Variants in FUT8 observed in about 807,000 individuals in gnomAD.
FUT8 encodes fucosyltransferase 8.
A neutral mutation model predicts 71.3 loss-of-function variants in FUT8; 29 were observed. That is an observed-to-expected ratio of 0.41 (90% CI 0.30 to 0.55). The LOEUF is 0.55. Among genes scored for constraint, FUT8 ranks in the 20% least tolerant of loss-of-function variants. The pLI is 0.34. For synonymous variants in FUT8, 254 were observed against 239.3 expected (o/e 1.06, Z -0.57); for missense variants, 544 against 702.1 (o/e 0.77, Z 2.55).
intron 7 of FUT8, among the ~76,000 whole-genome samples, chr14:65,685,614 G>T (rs1192166033): frequency 6.6e-6 from 1 of 152,180 alleles, no homozygotes; most frequent in African/African-American, 2.4e-5. Context: ...GCAGCCCTGA[G>T]GGCTGCTGGT....
intron 7 of FUT8, among the ~76,000 whole-genome samples, chr14:65,698,295 C>T (rs968250723): frequency 8.5e-5 from 13 of 152,088 alleles, no homozygotes; most frequent in African/African-American, 3.1e-4. Flanking sequence ...AAAGATCATT[C>T]TTTGGGTCCA....
intron 3 of FUT8, among the ~76,000 whole-genome samples, chr14:65,570,359 T>G (rs1016752484): frequency 6.6e-6 from 1 of 151,706 alleles, no homozygotes; most frequent in African/African-American, 2.4e-5. Flanking sequence ...ATTTAATCCC[T>G]CACTTCCACA....
At chr14:65,585,837 C>A (rs940899246) in intron 3 of FUT8, among the ~76,000 whole-genome samples, 7 of 152,268 alleles carry the variant, frequency 4.6e-5, no homozygotes, top group Admixed American at 3.3e-4. Flanking sequence ...AGGAAACTTG[C>A]TGCATGGTGC....
At position 65,433,600 on chromosome 14, in the gene FUT8, T is replaced by C. The variant is rs555819666; in HGVS notation, c.-326+20386T>C. Among the ~76,000 whole-genome samples, 7 of 152,294 alleles carry C rather than the reference T, an allele frequency of 4.6e-5. No individual in the cohort carries two copies. In the South Asian group the frequency reaches 1.5e-3, roughly 32 times the overall value. On this transcript the variant is annotated intron_variant, in intron 1 of 10. Transcript: ENST00000673929. ...ACCTAGCTTTAAGTGAGTAGAGTGG[T>C]AAAATGTAAGGTAATGAAAAGTGAG...
intron 7 of FUT8, among the ~76,000 whole-genome samples, chr14:65,720,159 A>G (rs1251150204): frequency 6.6e-6 from 1 of 152,142 alleles, no homozygotes; most frequent in Non-Finnish European, 1.5e-5. Context: ...CCTGCAGCTG[A>G]GCTGGCATCC....
chr14:65,419,709 T>G (rs2065265952), intron 1 of FUT8, among the ~76,000 whole-genome samples: 2 of 152,206 alleles, frequency 1.3e-5, no homozygotes, highest in Admixed American at 1.3e-4. Context: ...TTTCTAAGTT[T>G]TAGGTTTTTC....
chr14:65,477,038 A>G (rs950053314), intron 2 of FUT8, among the ~76,000 whole-genome samples: 5 of 152,182 alleles, frequency 3.3e-5, no homozygotes, highest in South Asian at 2.1e-4. Context: ...CTACTTAAAT[A>G]TAAGCTTTTT....
intron 7 of FUT8, among the ~76,000 whole-genome samples, chr14:65,685,295 T>C (rs956330204): frequency 6.6e-6 from 1 of 152,194 alleles, no homozygotes; most frequent in Non-Finnish European, 1.5e-5. Context: ...AAATAAGAAT[T>C]TGCTTTCTCT....
intron 2 of FUT8, among the ~76,000 whole-genome samples, chr14:65,456,564 A>G (rs2065895968): frequency 6.6e-6 from 1 of 152,124 alleles, no homozygotes; most frequent in Admixed American, 6.5e-5. Flanking sequence ...ACATTAAAAA[A>G]ATGTGACTCT....
chr14:65,616,649 T>TTA (rs1889299650), intron 5 of FUT8, among the ~76,000 whole-genome samples: 1 of 152,224 alleles, frequency 6.6e-6, no homozygotes, highest in Non-Finnish European at 1.5e-5. Context: ...CAACAATACA[T>TTA]TAAAATATCT....
chr14:65,659,194 G>GTT (rs148547545), intron 6 of FUT8, among the ~76,000 whole-genome samples: 98 of 149,562 alleles, frequency 6.6e-4, no homozygotes, highest in African/African-American at 2.3e-3. Context: ...TTTTTGTTTT[G>GTT]TTTTTTTTTC....
At chr14:65,697,764 A>G (rs549909139) in intron 7 of FUT8, among the ~76,000 whole-genome samples, 1 of 152,326 alleles carries the variant, frequency 6.6e-6, no homozygotes, top group East Asian at 1.9e-4. Context: ...ACCTGAGGTC[A>G]GGAATTCGAG....
At chr14:65,443,270 C>T (rs779658946) in intron 1 of FUT8, among the ~76,000 whole-genome samples, 2 of 151,986 alleles carry the variant, frequency 1.3e-5, no homozygotes, top group Admixed American at 1.3e-4. Flanking sequence ...ATTAGCCGGG[C>T]ATGGTGGTGC....
chr14:65,469,901 A>G (rs993415717), intron 2 of FUT8, among the ~76,000 whole-genome samples: 3 of 152,160 alleles, frequency 2.0e-5, no homozygotes, highest in African/African-American at 7.2e-5. Context: ...AAAAGGCACC[A>G]CAAGCCCCCA....
chr14:65,663,665 A>G (rs561082189), intron 6 of FUT8, among the ~76,000 whole-genome samples: 1 of 152,246 alleles, frequency 6.6e-6, no homozygotes, highest in South Asian at 2.1e-4. Flanking sequence ...AGAATCAAGC[A>G]TAATGGATTT....
At chr14:65,679,363 G>T (rs1361024010) in intron 7 of FUT8, among the ~76,000 whole-genome samples, 1 of 152,114 alleles carries the variant, frequency 6.6e-6, no homozygotes, top group Non-Finnish European at 1.5e-5. Context: ...CAATCTTTCT[G>T]CATTCTTTGG....
intron 7 of FUT8, among the ~76,000 whole-genome samples, chr14:65,702,218 G>A (rs1015594439): frequency 2.6e-5 from 4 of 152,138 alleles, no homozygotes; most frequent in African/African-American, 9.6e-5. Flanking sequence ...GGTGGCACAC[G>A]CCTGTAATCC....
At chr14:65,715,990 C>A (rs895877940) in intron 7 of FUT8, among the ~76,000 whole-genome samples, 22 of 139,758 alleles carry the variant, frequency 1.6e-4, no homozygotes, top group Admixed American at 6.4e-4. Flanking sequence ...AAAAAAAAAA[C>A]AACTTGATAG....
the FUT8 span, among the ~76,000 whole-genome samples, chr14:65,397,754 C>T: frequency 6.6e-6 from 1 of 152,168 alleles, no homozygotes; most frequent in Admixed American, 6.5e-5. The surrounding 1 kb of genome is among the most constrained non-coding windows in gnomAD (Gnocchi z 4.2). Context: ...AATTATCTTC[C>T]TTGTTTTTAT....
Sources: allele counts gnomAD v4.1 joint callset (sites outside exome capture counted in the v4.1 genomes callset), GRCh38; gene constraint gnomAD v4.1.1; non-coding constraint Gnocchi (gnomAD v3.1); transcripts MANE v1.5; gene names NCBI Gene and HGNC (gene_info 2026-07-23, HGNC 2026-07-21).